The following POLR2B variants were observed in gnomAD, a reference collection of about 807,000 sequenced individuals.
The protein encoded by POLR2B is DNA-directed RNA polymerase II subunit RPB2.
A neutral mutation model predicts 144.6 loss-of-function variants in POLR2B; 57 were observed. That is an observed-to-expected ratio of 0.39 (90% confidence interval 0.32 to 0.49). The LOEUF (loss-of-function observed/expected upper bound fraction) is 0.49, where lower values mean the gene tolerates loss of function less well. Among genes scored for constraint, POLR2B ranks in the 20% least tolerant of loss-of-function variants. The pLI is 0.83. For missense variants in POLR2B, 595 were observed against 1,467.4 expected, an observed-to-expected ratio of 0.41 and a Z score of 9.71; for synonymous variants, 442 against 469.8, an observed-to-expected ratio of 0.94 and a Z score of 0.77.
Position 56,994,635 on chromosome 4 carries a change from T to A in POLR2B, c.357-12T>A. On this transcript the variant is annotated splice_polypyrimidine_tract_variant and intron_variant, in intron 4 of 24. Transcript: ENST00000314595. Reference sequence around the variant, plus strand: ...CCTATTGCTTAACTGTGATCTACTTTTATTTTCAAAGGTATTCTGCTCCGC... The same window carrying A: ...CCTATTGCTTAACTGTGATCTACTTATATTTTCAAAGGTATTCTGCTCCGC... 6.3e-7 allele frequency: 1 copy of A among 1,578,262 alleles called. No individual in the cohort carries two copies. The highest frequency in any genetic ancestry group is 1.1e-5 in the South Asian group (1 of 90,356).
Position 57,010,810 on chromosome 4 carries a change from A to G in POLR2B, c.1611A>G (p.Gln537=). 6.2e-7 allele frequency: 1 copy of G among 1,608,044 alleles called. No homozygotes were observed. The highest frequency in any genetic ancestry group is 1.1e-5 in the South Asian group (1 of 90,762). Residue 537 remains glutamine, a synonymous_variant, in exon 12 of 25, where the codon CAA becomes CAG. Coordinates refer to ENST00000314595, the MANE Select transcript of POLR2B (RefSeq NM_000938.3). ...ALMAYISVGS[Q]PSPILEFLEE... ...TGGCGTATATTTCAGTTGGATCTCA[A>G]CCATCTCCAATTCTGGAATTTTTAG...
intron 6 of POLR2B, 83 bp from the exon 7 acceptor site, chr4:56,999,534 A>G: frequency 1.2e-6 from 1 of 826,854 alleles, no homozygotes; most frequent in Non-Finnish European, 1.9e-6. Context: ...AAGAATATAT[A>G]TATATTAAAT....
At chr4:56,994,930 G>GAA (rs41560115) in intron 5 of POLR2B, 64 bp downstream of exon 5, 173 of 729,012 alleles carry the variant, frequency 2.4e-4, no homozygotes, top group East Asian at 3.1e-4. Flanking sequence ...AAGTTGAAAT[G>GAA]AAAAAAAAAA....
At chr4:57,009,148 G>GT (rs1474814859) in intron 10 of POLR2B, among the ~76,000 whole-genome samples, 2 of 152,190 alleles carry the variant, frequency 1.3e-5, no homozygotes, top group East Asian at 3.9e-4. Context: ...AGTAAGTTTC[G>GT]TAAGACTTTG....
intron 1 of POLR2B, among the ~76,000 whole-genome samples, chr4:56,983,562 G>A (rs1277017215): frequency 6.6e-6 from 1 of 151,904 alleles, no homozygotes; most frequent in African/African-American, 2.4e-5. Context: ...AGTAGAGACG[G>A]GGTTTCACCA....
In POLR2B at chr4:56,999,641, C is replaced by G; in HGVS notation, c.760C>G (p.Gln254Glu). ...GQGAKKSAIG[Q>E]RIVATLPYIK... ...GGGTGCCAAGAAGAGTGCTATTGGT[C>G]AGCGCATTGTGGCAACTCTACCATA... The change falls in exon 7 of 25, where the codon CAG (glutamine) becomes GAG (glutamate). Residue 254 changes from glutamine to glutamate, a missense_variant. Transcript: ENST00000314595. The G allele has an allele frequency of 6.2e-7, 1 of 1,611,086 alleles. No individual in the cohort carries two copies. Among genetic ancestry groups the G allele is most frequent in the Non-Finnish European group, 8.5e-7 (1 of 1,178,322 alleles).
chr4:56,990,598 C>T (rs1722483277), intron 2 of POLR2B, 150 bp from the exon 3 acceptor site: 1 of 622,738 alleles, frequency 1.6e-6, no homozygotes. Context: ...TTTAAGATAC[C>T]TCATAGTGTC....
At chr4:57,003,213 C>T (rs1179219531) in intron 7 of POLR2B, among the ~76,000 whole-genome samples, 1 of 146,896 alleles carries the variant, frequency 6.8e-6, no homozygotes, top group Admixed American at 6.8e-5. Context: ...GGGCAGATCA[C>T]GAGGTCAGGA....
intron 9 of POLR2B, 113 bp from the exon 10 acceptor site, chr4:57,006,703 G>C: frequency 5.2e-6 from 4 of 764,076 alleles, no homozygotes; most frequent in East Asian, 5.0e-5. Context: ...CTTTCACTCT[G>C]CCCAAACAAT....
Position 57,014,971 on chromosome 4 carries a change from GCCACGT to G in POLR2B, c.1801-530_1801-525del, listed in dbSNP as rs1247968612. The stretch of plus-strand genomic sequence containing the variant: ...TTACAACACATCTCAGTTCAGAATC[GCCACGT>G]TTCAAGTGCTCAGTCACATGTGGCT... On this transcript the variant is annotated intron_variant, in intron 13 of 24. Coordinates refer to ENST00000314595, the MANE Select transcript of POLR2B (RefSeq NM_000938.3). Among the ~76,000 whole-genome samples the G allele has an allele frequency of 2.6e-3, 398 of 152,028 alleles. 2 individuals carry two copies. Among genetic ancestry groups the G allele is most frequent in the African/African-American group, 9.4e-3 (389 of 41,460 alleles).
At position 57,030,973 on chromosome 4, in the gene POLR2B, A is replaced by G; in HGVS notation, c.3510A>G (p.Arg1170=). 1 of 1,587,706 alleles carries G rather than the reference A, an allele frequency of 6.3e-7. No homozygotes were observed. The highest frequency in any genetic ancestry group is 1.1e-5 in the South Asian group (1 of 90,560). Reference sequence around the variant, plus strand: ...TTATGTCTATGAGTATTGCACCGCGAATGATGAGTGTTTAGCTATTTTACA... The same window carrying G: ...TTATGTCTATGAGTATTGCACCGCGGATGATGAGTGTTTAGCTATTTTACA... ...QELMSMSIAP[R]MMSV The change falls in exon 25 of 25, where the codon CGA becomes CGG. Residue 1170 remains arginine, a synonymous_variant. Coordinates refer to ENST00000314595, the MANE Select transcript of POLR2B (RefSeq NM_000938.3).
intron 6 of POLR2B, among the ~76,000 whole-genome samples, chr4:56,997,818 G>T (rs1722735850): frequency 6.6e-6 from 1 of 152,112 alleles, no homozygotes; most frequent in South Asian, 2.1e-4. Flanking sequence ...GTACAAAAGG[G>T]GCCCATTTCC....
chr4:56,986,265 A>G lies in POLR2B; in HGVS notation c.20-89A>G, dbSNP rs548276546. On this transcript the variant is annotated intron_variant, in intron 1 of 24. Coordinates refer to ENST00000314595, the MANE Select transcript of POLR2B (RefSeq NM_000938.3). ...GCATTACTTATTCAGCAGAAAGTAA[A>G]TATGTTTCTGCTACTTAAAGTCATA... The G allele has an allele frequency of 3.2e-5, 26 of 809,974 alleles. No individual in the cohort carries two copies. The South Asian group carries it at 3.4e-4, about 11-fold the overall frequency. The allele number at this position is 809,974 out of a possible 1,614,324, so 50.2% of individuals were successfully genotyped here. A position where few individuals can be genotyped will look rare whatever the true frequency, so the allele number is the denominator to read the frequency against.
chr4:56,985,436 G>A (rs944630618), intron 1 of POLR2B: 2 of 985,254 alleles, frequency 2.0e-6, no homozygotes, highest in Non-Finnish European at 2.4e-6. Flanking sequence ...CCGCCCCGTG[G>A]GGCGGCCCCG....
In POLR2B at chr4:56,990,845, C is replaced by T; in HGVS notation, c.190C>T (p.Pro64Ser). ...SVQRIVEDAPPIDLQAEAQHA... is the reference protein window; with the variant it reads ...SVQRIVEDAPSIDLQAEAQHA... The stretch of plus-strand genomic sequence containing the variant: ...TCAAAGAATTGTGGAAGACGCTCCT[C>T]CTATAGACCTACAGGCTGAAGCTCA... Residue 64 changes from proline to serine, a missense_variant, in exon 3 of 25, where the codon CCT becomes TCT. By Grantham distance (74) the Pro-to-Ser change is moderately conservative. Around this residue, in one of 9 missense-constraint regions of POLR2B, gnomAD observed 251 missense variants for 567.3 expected, o/e 0.44. Coordinates refer to ENST00000314595, the MANE Select transcript of POLR2B (RefSeq NM_000938.3). 2 of 1,613,772 alleles carry T rather than the reference C, an allele frequency of 1.2e-6. No homozygotes were observed. Among genetic ancestry groups the T allele is most frequent in the Non-Finnish European group, 1.7e-6 (2 of 1,179,768 alleles).
chr4:57,027,310 A>AC (rs1252726895), intron 23 of POLR2B, among the ~76,000 whole-genome samples: 2 of 150,896 alleles, frequency 1.3e-5, no homozygotes, highest in Non-Finnish European at 3.0e-5. Context: ...CGCCCAGCCC[A>AC]CCCCTTCCCT....
intron 21 of POLR2B, 144 bp from the exon 22 acceptor site, chr4:57,024,742 A>C: frequency 1.8e-6 from 1 of 567,146 alleles, no homozygotes; most frequent in Non-Finnish European, 3.1e-6. Context: ...TTGAGTTCAA[A>C]ATCTTTGAAT....
At chr4:57,003,515 G>A (rs1722916991) in intron 7 of POLR2B, among the ~76,000 whole-genome samples, 1 of 152,162 alleles carries the variant, frequency 6.6e-6, no homozygotes, top group Admixed American at 6.5e-5. Context: ...GATCCCAGAA[G>A]TTTGAGACTG....
chr4:57,004,270 T>G (rs867171421), intron 7 of POLR2B, among the ~76,000 whole-genome samples: 15 of 151,918 alleles, frequency 9.9e-5, no homozygotes, highest in Middle Eastern at 3.4e-3. Context: ...AGGCTGGCCT[T>G]GAACTCCTGA....
Sources: gnomAD v4.1 joint callset for allele counts (sites outside exome capture counted in the v4.1 genomes callset) on GRCh38, gnomAD v4.1.1 for gene constraint, gnomAD v4.1.1 regional missense constraint, MANE v1.5 for transcripts, NCBI Gene and HGNC (gene_info 2026-07-23, HGNC 2026-07-21) for gene names.